The following ARSB variants were observed in gnomAD, a reference collection of about 807,000 sequenced individuals.
ARSB encodes the protein N-acetylgalactosamine-4-sulfatase.
A neutral mutation model predicts 50.9 loss-of-function variants in ARSB; 41 were observed. That is an observed-to-expected ratio of 0.81 (90% CI 0.63 to 1.04). ARSB has a LOEUF of 1.04. Among genes scored for constraint, ARSB ranks in the 50% least tolerant of loss-of-function variants. The probability of loss-of-function intolerance (pLI) is 0.00; values close to 1 mark genes in which losing one functional copy is unlikely to be tolerated. For missense variants in ARSB, 672 were observed against 693.3 expected (o/e 0.97, Z 0.35); for synonymous variants, 269 against 284.8 (o/e 0.94, Z 0.56).
intron 5 of ARSB, among the ~76,000 whole-genome samples, chr5:78,878,440 A>G (rs1443021912): frequency 6.6e-6 from 1 of 152,248 alleles, no homozygotes; most frequent in African/African-American, 2.4e-5. Flanking sequence ...CCCAAGACAG[A>G]GCACAGTACT....
intron 5 of ARSB, among the ~76,000 whole-genome samples, chr5:78,869,134 C>A (rs1581068824): frequency 6.9e-6 from 1 of 144,244 alleles, no homozygotes; most frequent in Middle Eastern, 3.5e-3. Context: ...ATATATGCAC[C>A]CAATACAGGA....
chr5:78,780,739 C>G (rs990316556), intron 7 of ARSB, 77 bp from the exon 8 acceptor site: 2 of 1,558,908 alleles, frequency 1.3e-6, no homozygotes, highest in African/African-American at 2.7e-5. Flanking sequence ...GAGTCTGAGG[C>G]CAAGGCTGCA....
At chr5:78,933,269 C>T (rs1388456619) in intron 4 of ARSB, among the ~76,000 whole-genome samples, 2 of 152,114 alleles carry the variant, frequency 1.3e-5, no homozygotes, top group Non-Finnish European at 2.9e-5. Context: ...TTTTTATAAT[C>T]GTTTACAGCT....
At chr5:78,880,747 T>C (rs1312735933) in intron 5 of ARSB, among the ~76,000 whole-genome samples, 1 of 152,242 alleles carries the variant, frequency 6.6e-6, no homozygotes. Context: ...GAAAAGAATG[T>C]GTAATCAATT....
chr5:78,844,545 TG>T (rs1393289021), intron 5 of ARSB, among the ~76,000 whole-genome samples: 1 of 152,158 alleles, frequency 6.6e-6, no homozygotes, highest in Non-Finnish European at 1.5e-5. Context: ...TGCATTTTGA[TG>T]TAGTTCGACT....
At chr5:78,951,967 C>G (rs1380329080) in intron 4 of ARSB, among the ~76,000 whole-genome samples, 3 of 152,100 alleles carry the variant, frequency 2.0e-5, no homozygotes, top group African/African-American at 7.2e-5. Context: ...ATGCAAAAAT[C>G]CTAAATGAAA....
intron 4 of ARSB, among the ~76,000 whole-genome samples, chr5:78,920,045 A>C (rs1749730060): frequency 6.6e-6 from 1 of 151,938 alleles, no homozygotes; most frequent in Non-Finnish European, 1.5e-5. Flanking sequence ...TTTCAGGGAA[A>C]AAAAGGCCAG....
At chr5:78,830,527 A>T (rs1462698456) in intron 6 of ARSB, among the ~76,000 whole-genome samples, 1 of 152,054 alleles carries the variant, frequency 6.6e-6, no homozygotes, top group African/African-American at 2.4e-5. Context: ...AGTGCTGTGG[A>T]TTTGGTTTGG....
intron 3 of ARSB, among the ~76,000 whole-genome samples, chr5:78,956,842 G>T (rs868242267): frequency 6.6e-6 from 1 of 152,140 alleles, no homozygotes; most frequent in African/African-American, 2.4e-5. Context: ...CCACTATTAC[G>T]ATATGGATGT....
At chr5:78,964,364 A>T in intron 3 of ARSB, 52 bp downstream of exon 3, 5 of 1,548,508 alleles carry the variant, frequency 3.2e-6, no homozygotes, top group Non-Finnish European at 4.5e-6. Flanking sequence ...TTTGTCTGAA[A>T]AGACATTAGT....
At chr5:78,872,560 G>A (rs1423814548) in intron 5 of ARSB, among the ~76,000 whole-genome samples, 5 of 136,192 alleles carry the variant, frequency 3.7e-5, no homozygotes, top group East Asian at 4.1e-4. Flanking sequence ...GTAAACTATC[G>A]CAAGAACAAA....
chr5:78,901,181 A>T (rs1320107498), intron 4 of ARSB, among the ~76,000 whole-genome samples: 1 of 152,174 alleles, frequency 6.6e-6, no homozygotes, highest in Non-Finnish European at 1.5e-5. Context: ...AATCCAGGAC[A>T]ATCTCCTCAT....
intron 4 of ARSB, among the ~76,000 whole-genome samples, chr5:78,940,000 T>A (rs151306498): frequency 0.011 from 1,634 of 152,210 alleles, 35 homozygotes; most frequent in African/African-American, 0.037. Context: ...GGTATCTCAT[T>A]GTGATTTTGT....
chr5:78,862,298 C>T (rs1052373540), intron 5 of ARSB, among the ~76,000 whole-genome samples: 3 of 152,124 alleles, frequency 2.0e-5, no homozygotes, highest in East Asian at 1.9e-4. Flanking sequence ...AAAAAGCCCG[C>T]GTTGCCAAGA....
intron 5 of ARSB, chr5:78,884,634 G>C (rs1747921805): frequency 6.6e-6 from 1 of 151,840 alleles, no homozygotes; most frequent in African/African-American, 2.4e-5. Context: ...CATTGCACTA[G>C]GTCATTCCAC....
At chr5:78,954,888 T>G (rs1419901229) in intron 4 of ARSB, among the ~76,000 whole-genome samples, 1 of 152,232 alleles carries the variant, frequency 6.6e-6, no homozygotes, top group Admixed American at 6.5e-5. Context: ...GTCTTCATAA[T>G]GTCACAATCT....
chr5:78,905,876 T>C (rs1236986432), intron 4 of ARSB, among the ~76,000 whole-genome samples: 2 of 137,566 alleles, frequency 1.5e-5, no homozygotes, highest in East Asian at 4.2e-4. Flanking sequence ...CATGCACTTC[T>C]GCATAACTGA....
At chr5:78,834,973 T>TCCC (rs1561448080) in intron 6 of ARSB, among the ~76,000 whole-genome samples, 1 of 110,968 alleles carries the variant, frequency 9.0e-6, no homozygotes, top group Non-Finnish European at 1.8e-5. Flanking sequence ...CCTCCCTCCC[T>TCCC]TCCTTCCTTT....
intron 4 of ARSB, among the ~76,000 whole-genome samples, chr5:78,937,765 T>G (rs1366294186): frequency 6.6e-6 from 1 of 151,972 alleles, no homozygotes; most frequent in Non-Finnish European, 1.5e-5. Context: ...TATTGGTTAT[T>G]GATTTCGGAA....
Sources: allele counts gnomAD v4.1 joint callset (sites outside exome capture counted in the v4.1 genomes callset), GRCh38; gene constraint gnomAD v4.1.1; transcripts MANE v1.5; gene names NCBI Gene and HGNC (gene_info 2026-07-23, HGNC 2026-07-21).